Variants in TEAD1 observed in about 807,000 individuals in gnomAD.
TEAD1 encodes TEA domain transcription factor 1, also known as transcriptional enhancer factor TEF-1.
TEAD1 carries 9 observed loss-of-function variants against 54.9 expected under a neutral mutation model. That is an observed-to-expected ratio of 0.16 (90% CI 0.10 to 0.29). The LOEUF (loss-of-function observed/expected upper bound fraction) is 0.29, where lower values mean the gene tolerates loss of function less well. TEAD1 is among the 10% of genes least tolerant of loss of function. TEAD1 has a pLI of 1.00. For synonymous variants in TEAD1, 200 were observed against 187.8 expected, an observed-to-expected ratio of 1.07 and a Z score of -0.53; for missense variants, 387 against 535.9, an observed-to-expected ratio of 0.72 and a Z score of 2.74.
chr11:12,934,491 T>C (rs370591577), intron 12 of TEAD1, among the ~76,000 whole-genome samples: 1 of 151,348 alleles, frequency 6.6e-6, no homozygotes, highest in Non-Finnish European at 1.5e-5. Flanking sequence ...TGTATACATA[T>C]GTAACAAACC....
chr11:12,841,035 A>G (rs954028091), intron 3 of TEAD1, among the ~76,000 whole-genome samples: 5 of 152,240 alleles, frequency 3.3e-5, no homozygotes, highest in African/African-American at 7.2e-5. Flanking sequence ...GCCTTTTAAC[A>G]TGAAAATACG....
rs535074294 is a variant in TEAD1, at chr11:12,690,909, C to T, written c.-55+15348C>T. Reference sequence around the variant, plus strand: ...AATAGCTGGGACTGTCAGTGCGCCACCATGCCTGGCTAGTTTTTTAGTTTT... The same window carrying T: ...AATAGCTGGGACTGTCAGTGCGCCATCATGCCTGGCTAGTTTTTTAGTTTT... On this transcript the variant is annotated intron_variant, in intron 2 of 12. Coordinates refer to ENST00000527636, the MANE Select transcript of TEAD1 (RefSeq NM_021961.6). Among the ~76,000 whole-genome samples, 6 of 152,258 alleles carry T rather than the reference C, an allele frequency of 3.9e-5. No homozygotes were observed. The East Asian group carries it at 1.2e-3, about 29-fold the overall frequency.
rs1044041583 is a variant in TEAD1 at position 12,879,625 on chromosome 11, C to T, written c.331-83C>T. 7 of 1,566,178 alleles carry T rather than the reference C, an allele frequency of 4.5e-6. No individual in the cohort carries two copies. The African/African-American group carries it at 9.5e-5, about 21-fold the overall frequency. Reference sequence around the variant, plus strand: ...TATTTTGTGGCTCTGTATTTTAGTCCATGTGCTCGTGGCTGTGCCTGTGTA... The same window carrying T: ...TATTTTGTGGCTCTGTATTTTAGTCTATGTGCTCGTGGCTGTGCCTGTGTA... On this transcript the variant is annotated intron_variant, in intron 5 of 12. Coordinates refer to ENST00000527636, the MANE Select transcript of TEAD1 (RefSeq NM_021961.6).
intron 10 of TEAD1, among the ~76,000 whole-genome samples, chr11:12,909,529 T>TG (rs780125605): frequency 2.3e-5 from 2 of 87,960 alleles, no homozygotes; most frequent in South Asian, 7.6e-4. Context: ...TGTTGCGGGG[T>TG]GGGGGGCGAG....
rs963516808 is a variant in TEAD1, at chr11:12,851,151, A to G, written c.203-11099A>G. On this transcript the variant is annotated intron_variant, in intron 3 of 12. Transcript: ENST00000527636. ...GACACGGAAAGAAAAAAACTATTTC[A>G]TGATCTCACTTATACGTGGAATCTT... The G allele has an allele frequency of 2.5e-5, 23 of 919,894 alleles. No homozygotes were observed. In the East Asian group the frequency reaches 9.4e-4, roughly 38 times the overall value. The allele number at this position is 919,894 out of a possible 1,614,324, so 57.0% of individuals were successfully genotyped here.
chr11:12,914,787 G>C (rs1370990429), intron 10 of TEAD1, among the ~76,000 whole-genome samples: 1 of 152,266 alleles, frequency 6.6e-6, no homozygotes, highest in Non-Finnish European at 1.5e-5. Flanking sequence ...GGTGCCTGTG[G>C]GAGCAGCTGC....
intron 2 of TEAD1, among the ~76,000 whole-genome samples, chr11:12,716,295 C>T (rs1401559265): frequency 1.3e-5 from 2 of 151,952 alleles, no homozygotes; most frequent in Non-Finnish European, 2.9e-5. Flanking sequence ...TAGGTGTCTG[C>T]GAGGGAGTGC....
chr11:12,825,998 G>A (rs769385879), intron 3 of TEAD1, among the ~76,000 whole-genome samples: 4 of 152,128 alleles, frequency 2.6e-5, no homozygotes, highest in Non-Finnish European at 5.9e-5. Context: ...AATTCTTACC[G>A]CACACGGTAC....
chr11:12,917,058 A>G (rs1004444176), intron 10 of TEAD1, among the ~76,000 whole-genome samples: 4 of 152,186 alleles, frequency 2.6e-5, no homozygotes, highest in African/African-American at 7.2e-5. Context: ...TCTGTGGATA[A>G]TGGTACATTA....
intron 9 of TEAD1, among the ~76,000 whole-genome samples, chr11:12,887,390 C>T (rs555157477): frequency 7.2e-5 from 11 of 152,108 alleles, no homozygotes; most frequent in Non-Finnish European, 1.0e-4. Flanking sequence ...CCACCGTGCC[C>T]GGCCGCAGAT....
At position 12,937,500 on chromosome 11, in the gene TEAD1, G is replaced by C; in HGVS notation, c.*278G>C. The stretch of plus-strand genomic sequence containing the variant: ...TCAGATGTGCAGCCCACAATTCCTC[G>C]GGAAAGGTGAACCTGAACAACCCAA... On this transcript the variant is annotated 3_prime_UTR_variant, in exon 13 of 13. Coordinates refer to ENST00000527636, the MANE Select transcript of TEAD1 (RefSeq NM_021961.6). 1 of 295,506 alleles carries C rather than the reference G, an allele frequency of 3.4e-6. No individual in the cohort carries two copies. The highest frequency in any genetic ancestry group is 6.5e-6 in the Non-Finnish European group (1 of 153,788). 18.3% of individuals were successfully genotyped at this position (295,506 alleles called of 1,614,324 possible).
intron 5 of TEAD1, among the ~76,000 whole-genome samples, chr11:12,871,205 C>G (rs546718111): frequency 6.6e-6 from 1 of 152,354 alleles, no homozygotes; most frequent in Admixed American, 6.5e-5. Flanking sequence ...CTCCCTTGGA[C>G]CTTGTGTCAC....
chr11:12,739,055 G>A (rs1944592598), intron 2 of TEAD1, among the ~76,000 whole-genome samples: 1 of 152,212 alleles, frequency 6.6e-6, no homozygotes, highest in Admixed American at 6.5e-5. Context: ...TGAGAAGATG[G>A]TTGGAAAGAT....
chr11:12,905,819 G>C (rs1056124825), intron 10 of TEAD1, among the ~76,000 whole-genome samples: 4 of 152,098 alleles, frequency 2.6e-5, no homozygotes, highest in Non-Finnish European at 5.9e-5. Flanking sequence ...GATCGTTCCT[G>C]AATTTGGTTT....
At chr11:12,711,176 G>C (rs1460306087) in intron 2 of TEAD1, among the ~76,000 whole-genome samples, 1 of 152,164 alleles carries the variant, frequency 6.6e-6, no homozygotes, top group East Asian at 1.9e-4. Flanking sequence ...ACGAGAGTCA[G>C]GGTAGTCACT....
chr11:12,764,444 C>CT lies in TEAD1; in HGVS notation c.202+11dup. 6.2e-7 allele frequency: 1 copy of CT among 1,613,992 alleles called. No individual in the cohort carries two copies. The highest frequency in any genetic ancestry group is 1.7e-5 in the Admixed American group (1 of 60,004). On this transcript the variant is annotated intron_variant, in intron 3 of 12. Transcript: ENST00000527636. ...GAAGGCAAAATGTATGGTAAGTGGC[C>CT]TGGAACACTCCTTTGAAATACTACA...
intron 3 of TEAD1, among the ~76,000 whole-genome samples, chr11:12,820,630 T>G (rs1410019598): frequency 2.6e-5 from 4 of 152,156 alleles, no homozygotes; most frequent in Non-Finnish European, 5.9e-5. Context: ...AATGCGATTA[T>G]ACAAAAAACG....
At chr11:12,855,361 C>T (rs1430899328) in intron 3 of TEAD1, among the ~76,000 whole-genome samples, 2 of 152,062 alleles carry the variant, frequency 1.3e-5, no homozygotes, top group African/African-American at 4.8e-5. Flanking sequence ...GTGATCTCAG[C>T]TCACTGCAAC....
rs995260311 is a variant in TEAD1, at chr11:12,707,632, G to T, written c.-55+32071G>T. ...GAGGGTGTCTGCTAGAGAGAGAGAG[G>T]GTGATAGCTGATAACACAGGAAAAG... is the stretch of plus-strand genomic sequence containing the variant. On this transcript the variant is annotated intron_variant, in intron 2 of 12. Transcript: ENST00000527636. Among the ~76,000 whole-genome samples, 6 of 152,278 alleles carry T rather than the reference G, an allele frequency of 3.9e-5. No homozygotes were observed. In the East Asian group the frequency reaches 1.2e-3, roughly 29 times the overall value.
Sources: gnomAD v4.1 joint callset for allele counts (sites outside exome capture counted in the v4.1 genomes callset) on GRCh38, gnomAD v4.1.1 for gene constraint, MANE v1.5 for transcripts, NCBI Gene and HGNC (gene_info 2026-07-23, HGNC 2026-07-21) for gene names.